Variants in USP48 observed in about 807,000 individuals in gnomAD.
The protein encoded by USP48 is ubiquitin carboxyl-terminal hydrolase 48.
USP48 carries 43 observed loss-of-function variants against 150.7 expected under a neutral mutation model. The ratio of observed to expected loss-of-function variants is 0.29; its 90% confidence interval spans 0.22 to 0.37. USP48 has a LOEUF of 0.37. Among genes scored for constraint, USP48 ranks in the 10% least tolerant of loss-of-function variants. The probability of loss-of-function intolerance (pLI) is 1.00; values close to 1 mark genes in which losing one functional copy is unlikely to be tolerated. For synonymous variants in USP48, 396 were observed against 425.9 expected, an observed-to-expected ratio of 0.93 and a Z score of 0.86; for missense variants, 813 against 1,249.6, an observed-to-expected ratio of 0.65 and a Z score of 5.27.
intron 1 of USP48, among the ~76,000 whole-genome samples, chr1:21,776,917 A>T (rs1232340299): frequency 6.6e-6 from 1 of 151,228 alleles, no homozygotes; most frequent in Non-Finnish European, 1.5e-5. Flanking sequence ...GCTGCACTCC[A>T]GCCTGGGCAA....
At chr1:21,693,047 C>A (rs983281499) in intron 23 of USP48, among the ~76,000 whole-genome samples, 3 of 151,972 alleles carry the variant, frequency 2.0e-5, no homozygotes, top group African/African-American at 7.3e-5. Flanking sequence ...CCTCTGCTTG[C>A]GATGCTGTGT....
intron 9 of USP48, among the ~76,000 whole-genome samples, chr1:21,731,889 T>C (rs1223318874): frequency 1.3e-5 from 2 of 151,670 alleles, no homozygotes; most frequent in Non-Finnish European, 2.9e-5. Context: ...ACAAAAGGAA[T>C]GAAATGCTAA....
At chr1:21,735,684 T>C (rs1571909179) in intron 9 of USP48, among the ~76,000 whole-genome samples, 1 of 151,446 alleles carries the variant, frequency 6.6e-6, no homozygotes, top group South Asian at 2.1e-4. Context: ...AGGTCAGGAG[T>C]TCGAGACCAG....
In USP48 at chr1:21,752,851, G is replaced by C. The variant is rs543654840; in HGVS notation, c.540+141C>G. On this transcript the variant is annotated intron_variant, in intron 4 of 26. Transcript: ENST00000308271. The stretch of plus-strand genomic sequence containing the variant: ...AATCAAGTATAATGTGTAAACTATT[G>C]GACAGTAAATAAAGGTTTTCATTCA... 4.0e-6 allele frequency: 5 copies of C among 1,245,438 alleles called. No individual in the cohort carries two copies. The South Asian group carries it at 4.8e-5, about 12-fold the overall frequency. 77.1% of individuals were successfully genotyped at this position (1,245,438 alleles called of 1,614,324 possible).
chr1:21,709,585 T>TAA (rs35471864), intron 15 of USP48, among the ~76,000 whole-genome samples: 11 of 145,600 alleles, frequency 7.6e-5, no homozygotes, highest in South Asian at 2.1e-4. Context: ...TTTTATGCTT[T>TAA]AAAAAAAAAA....
intron 1 of USP48, among the ~76,000 whole-genome samples, chr1:21,774,468 C>G (rs1048258345): frequency 7.9e-5 from 12 of 151,984 alleles, no homozygotes; most frequent in African/African-American, 2.4e-4. Context: ...GTGGGCAGAT[C>G]GCGAGGTCAG....
intron 12 of USP48, among the ~76,000 whole-genome samples, chr1:21,723,543 A>G (rs1012444645): frequency 6.6e-6 from 1 of 151,828 alleles, no homozygotes; most frequent in Non-Finnish European, 1.5e-5. Flanking sequence ...TCACCATAAC[A>G]TGGAGGCACA....
At chr1:21,755,231 T>C (rs1439982631) in intron 3 of USP48, among the ~76,000 whole-genome samples, 1 of 152,112 alleles carries the variant, frequency 6.6e-6, no homozygotes, top group Non-Finnish European at 1.5e-5. Flanking sequence ...AGATAAAATA[T>C]TACTCCTTGG....
intron 8 of USP48, among the ~76,000 whole-genome samples, chr1:21,745,929 C>A (rs1197017121): frequency 1.3e-5 from 2 of 152,236 alleles, no homozygotes; most frequent in Admixed American, 6.5e-5. Flanking sequence ...AAGTCCAAAA[C>A]TGAAGTTGAA....
In USP48 at chr1:21,757,524, G is replaced by C; in HGVS notation, c.255+139C>G. On this transcript the variant is annotated intron_variant, in intron 2 of 26. Transcript: ENST00000308271. ...AGTGTTCCAATTCAAGTGGCTTAGA[G>C]TCTTAAGTTCTACTGCTTATCTTAA... 4 of 860,802 alleles carry C rather than the reference G, an allele frequency of 4.6e-6. 1 individual carries two copies. The South Asian group carries it at 9.1e-5, about 20-fold the overall frequency. 53.3% of individuals were successfully genotyped at this position (860,802 alleles called of 1,614,324 possible). A position where few individuals can be genotyped will look rare whatever the true frequency, so the allele number is the denominator to read the frequency against.
intron 8 of USP48, among the ~76,000 whole-genome samples, chr1:21,745,247 AC>A (rs1251254476): frequency 6.6e-6 from 1 of 152,182 alleles, no homozygotes; most frequent in African/African-American, 2.4e-5. Context: ...GATTGCTTTT[AC>A]CAGTCCTAAC....
chr1:21,741,966 AC>A (rs900663185), intron 8 of USP48, among the ~76,000 whole-genome samples: 14 of 152,280 alleles, frequency 9.2e-5, no homozygotes, highest in African/African-American at 3.4e-4. Flanking sequence ...ACAGAGCAAG[AC>A]CATCTTAAAA....
intron 8 of USP48, among the ~76,000 whole-genome samples, chr1:21,744,604 C>T (rs781586874): frequency 1.3e-5 from 2 of 150,842 alleles, no homozygotes; most frequent in Non-Finnish European, 3.0e-5. Context: ...AGTGAAACCC[C>T]GTCTCTACTA....
rs1028803223 is a variant in USP48 at position 21,736,516 on chromosome 1, A to G, written c.1101T>C (p.Tyr367=). 3 of 1,606,056 alleles carry G rather than the reference A, an allele frequency of 1.9e-6. No individual in the cohort carries two copies. The highest frequency in any genetic ancestry group is 2.5e-6 in the Non-Finnish European group (3 of 1,177,614). Residue 367 remains tyrosine, a synonymous_variant, in exon 9 of 27, where the codon TAT becomes TAC. Transcript: ENST00000308271. The part of the protein sequence containing the change: ...HVKDPQSGEW[Y]KFNDEDIEKM... ...TTTCTATGTCTTCATCATTAAACTT[A>G]TACCATTCACCAGACTGTGGATCTT...
intron 7 of USP48, 121 bp downstream of exon 7, chr1:21,748,017 A>G (rs866645495): frequency 1.8e-6 from 2 of 1,103,434 alleles, no homozygotes; most frequent in Non-Finnish European, 2.4e-6. Context: ...GCCTCCATCT[A>G]TAACTTTCAT....
intron 8 of USP48, among the ~76,000 whole-genome samples, chr1:21,746,710 T>C (rs1163404469): frequency 6.6e-6 from 1 of 152,200 alleles, no homozygotes; most frequent in African/African-American, 2.4e-5. Flanking sequence ...AAAAAGTGAA[T>C]AGAGGCGCTT....
intron 16 of USP48, 32 bp downstream of exon 16, chr1:21,706,712 C>T: frequency 1.2e-6 from 2 of 1,609,422 alleles, no homozygotes; most frequent in Non-Finnish European, 1.7e-6. Flanking sequence ...AGGTGGCATG[C>T]CATTTCCCCA....
Position 21,706,475 on chromosome 1 carries a change from A to C in USP48, c.2203T>G (p.Trp735Gly), listed in dbSNP as rs759120534. 1 of 1,614,208 alleles carries C rather than the reference A, an allele frequency of 6.2e-7. No homozygotes were observed. Among genetic ancestry groups the C allele is most frequent in the Non-Finnish European group, 8.5e-7 (1 of 1,180,028 alleles). Residue 735 changes from tryptophan (W) to glycine (G), a missense_variant, in exon 17 of 27, where the codon TGG becomes GGG. Coordinates refer to ENST00000308271, the MANE Select transcript of USP48 (RefSeq NM_032236.8). ...TGTGGGAATCATTATACCTCTGGCCAGTTACTGAGACACGGTCTGTTTTTA... is the reference window on the plus strand; with the variant it reads ...TGTGGGAATCATTATACCTCTGGCCCGTTACTGAGACACGGTCTGTTTTTA... ...QDKNRPCLSN[W>G]PEDTDVLYIV...
intron 23 of USP48, among the ~76,000 whole-genome samples, chr1:21,693,455 G>A (rs1333020439): frequency 6.6e-6 from 1 of 152,162 alleles, no homozygotes; most frequent in Non-Finnish European, 1.5e-5. Context: ...GGCCCGCAGT[G>A]GTCCCTGAAG....
Sources: allele counts gnomAD v4.1 joint callset (sites outside exome capture counted in the v4.1 genomes callset), GRCh38; gene constraint gnomAD v4.1.1; transcripts MANE v1.5; gene names NCBI Gene and HGNC (gene_info 2026-07-23, HGNC 2026-07-21).